The following CNTNAP2 variants were observed in gnomAD, a reference collection of about 807,000 sequenced individuals.
CNTNAP2 encodes the protein contactin associated protein 2, also known as contactin-associated protein-like 2.
A neutral mutation model predicts 155.2 loss-of-function variants in CNTNAP2; 98 were observed. That is an observed-to-expected ratio of 0.63 (90% CI 0.54 to 0.75). The LOEUF (loss-of-function observed/expected upper bound fraction) is 0.75, where lower values mean the gene tolerates loss of function less well. Among genes scored for constraint, CNTNAP2 ranks in the 30% least tolerant of loss-of-function variants. CNTNAP2 has a pLI of 0.00. For synonymous variants in CNTNAP2, 651 were observed against 631.2 expected (o/e 1.03, Z -0.47); for missense variants, 1,727 against 1,688.1 (o/e 1.02, Z -0.40).
intron 21 of CNTNAP2, among the ~76,000 whole-genome samples, chr7:148,272,107 T>G (rs140466080): frequency 1.3e-5 from 2 of 152,180 alleles, no homozygotes; most frequent in Non-Finnish European, 2.9e-5. Flanking sequence ...ACAAGTGTGA[T>G]CTTTATAAAG....
At position 147,516,347 on chromosome 7, in the gene CNTNAP2, TAAA is replaced by T. The variant is rs200206635; in HGVS notation, c.1777+30310_1777+30312del. ...ATTAGCTTCTCTTAATTTTTTCAAT[TAAA>T]AAAGTGTTAAAGCATTAGTTTATTG... is the stretch of plus-strand genomic sequence containing the variant. On this transcript the variant is annotated intron_variant, in intron 11 of 23. Coordinates refer to ENST00000361727, the MANE Select transcript of CNTNAP2 (RefSeq NM_014141.6). Among the ~76,000 whole-genome samples the T allele has an allele frequency of 7.1e-3, 1,085 of 152,308 alleles. 12 individuals are homozygous for T. Among genetic ancestry groups the T allele is most frequent in the African/African-American group, 0.022 (916 of 41,562 alleles).
intron 8 of CNTNAP2, among the ~76,000 whole-genome samples, chr7:147,150,691 G>A (rs1401587661): frequency 2.6e-5 from 4 of 152,138 alleles, no homozygotes; most frequent in African/African-American, 7.2e-5. Context: ...AATTATGAAT[G>A]TTGATTTATT....
At chr7:147,704,135 CT>C (rs1418256339) in intron 13 of CNTNAP2, among the ~76,000 whole-genome samples, 1 of 152,044 alleles carries the variant, frequency 6.6e-6, no homozygotes, top group Non-Finnish European at 1.5e-5. Flanking sequence ...AACTTTTTTG[CT>C]GTTTTTCTCA....
At chr7:146,824,734 C>T (rs991898392) in intron 2 of CNTNAP2, among the ~76,000 whole-genome samples, 1 of 151,902 alleles carries the variant, frequency 6.6e-6, no homozygotes, top group South Asian at 2.1e-4. Flanking sequence ...ACTTAAAGCT[C>T]AGACAGGAAA....
intron 6 of CNTNAP2, among the ~76,000 whole-genome samples, chr7:147,123,551 C>T (rs571468197): frequency 6.6e-6 from 1 of 152,204 alleles, no homozygotes; most frequent in South Asian, 2.1e-4. Context: ...TAGACAGAAA[C>T]AGTAGGAAGA....
chr7:146,759,073 G>T (rs1802040347), intron 1 of CNTNAP2, among the ~76,000 whole-genome samples: 1 of 151,540 alleles, frequency 6.6e-6, no homozygotes, highest in South Asian at 2.1e-4. Flanking sequence ...GTTTTCTTTT[G>T]GATTGGTATA....
chr7:148,204,069 T>A (rs897894935), intron 18 of CNTNAP2, among the ~76,000 whole-genome samples: 2 of 152,202 alleles, frequency 1.3e-5, no homozygotes, highest in Non-Finnish European at 2.9e-5. Context: ...AGAATCCCAT[T>A]AGCTTCTAAT....
intron 2 of CNTNAP2, among the ~76,000 whole-genome samples, chr7:146,793,104 T>C (rs546643840): frequency 5.9e-5 from 9 of 152,198 alleles, no homozygotes; most frequent in Non-Finnish European, 1.2e-4. Flanking sequence ...CTACTTTACA[T>C]TTTTCATACT....
chr7:147,543,854 C>G (rs542611262), intron 11 of CNTNAP2, among the ~76,000 whole-genome samples: 1 of 152,258 alleles, frequency 6.6e-6, no homozygotes, highest in East Asian at 1.9e-4. Flanking sequence ...ATAATGGAAA[C>G]TAATTTCAGA....
intron 1 of CNTNAP2, among the ~76,000 whole-genome samples, chr7:146,154,019 T>C (rs1798089569): frequency 6.6e-6 from 1 of 152,148 alleles, no homozygotes; most frequent in Non-Finnish European, 1.5e-5. Flanking sequence ...AAAGAAGCAA[T>C]TTGGAAAACA....
At chr7:147,957,591 C>T (rs887793654) in intron 14 of CNTNAP2, among the ~76,000 whole-genome samples, 2 of 151,948 alleles carry the variant, frequency 1.3e-5, no homozygotes, top group African/African-American at 2.4e-5. Flanking sequence ...ATGGGAGGTT[C>T]GTAGGTCACT....
Position 147,042,087 on chromosome 7 carries a change from G to A in CNTNAP2, c.403-1820G>A, listed in dbSNP as rs373185506. On this transcript the variant is annotated intron_variant, in intron 3 of 23. Coordinates refer to ENST00000361727, the MANE Select transcript of CNTNAP2 (RefSeq NM_014141.6). ...GAAATTGTTTTTCTGATGAAATTTTGTCAACAAGATGCAATGAGGATGCTC... is the reference window on the plus strand; with the variant it reads ...GAAATTGTTTTTCTGATGAAATTTTATCAACAAGATGCAATGAGGATGCTC... Among the ~76,000 whole-genome samples, 3 of 152,244 alleles carry A rather than the reference G, an allele frequency of 2.0e-5. No homozygotes were observed. The East Asian group carries it at 5.8e-4, about 29-fold the overall frequency.
chr7:146,726,896 C>T (rs1801439875), intron 1 of CNTNAP2, among the ~76,000 whole-genome samples: 1 of 152,032 alleles, frequency 6.6e-6, no homozygotes, highest in South Asian at 2.1e-4. Context: ...TTTCTCTTTT[C>T]CTCTCCATTT....
chr7:147,767,288 C>T (rs748885362), intron 13 of CNTNAP2, among the ~76,000 whole-genome samples: 21 of 152,092 alleles, frequency 1.4e-4, no homozygotes, highest in South Asian at 6.2e-4. Flanking sequence ...AAACCTCAAA[C>T]GCTTCTCAGA....
At chr7:146,515,596 CT>C (rs1220008377) in intron 1 of CNTNAP2, among the ~76,000 whole-genome samples, 31 of 152,038 alleles carry the variant, frequency 2.0e-4, no homozygotes, top group African/African-American at 7.5e-4. Context: ...TTTTGTTGCT[CT>C]TCCTATTAAT....
chr7:147,805,158 A>C (rs916554484), intron 13 of CNTNAP2, among the ~76,000 whole-genome samples: 1 of 150,266 alleles, frequency 6.7e-6, no homozygotes, highest in African/African-American at 2.5e-5. Context: ...TGCAACCTCC[A>C]CCACCCAGGT....
intron 13 of CNTNAP2, among the ~76,000 whole-genome samples, chr7:147,716,548 C>A (rs1796483911): frequency 6.6e-6 from 1 of 152,082 alleles, no homozygotes; most frequent in Admixed American, 6.6e-5. Context: ...TTGCCAATTT[C>A]TTTCTTTCTG....
chr7:147,804,457 C>T (rs1343696863), intron 13 of CNTNAP2, among the ~76,000 whole-genome samples: 4 of 152,150 alleles, frequency 2.6e-5, no homozygotes, highest in Non-Finnish European at 5.9e-5. Flanking sequence ...TTGAAACCTT[C>T]CAAAGACTTC....
At chr7:146,587,000 T>G (rs978547354) in intron 1 of CNTNAP2, among the ~76,000 whole-genome samples, 2 of 151,818 alleles carry the variant, frequency 1.3e-5, no homozygotes, top group Non-Finnish European at 2.9e-5. Flanking sequence ...TCTTATTAAA[T>G]ATTATGGTAC....
Sources: gnomAD v4.1 joint callset for allele counts (sites outside exome capture counted in the v4.1 genomes callset) on GRCh38, gnomAD v4.1.1 for gene constraint, MANE v1.5 for transcripts, NCBI Gene and HGNC (gene_info 2026-07-23, HGNC 2026-07-21) for gene names.